Variants in PTPRD observed in about 807,000 individuals in gnomAD.
PTPRD encodes the protein protein tyrosine phosphatase receptor type D, also known as receptor-type tyrosine-protein phosphatase delta.
PTPRD carries 34 observed loss-of-function variants against 214.5 expected under a neutral mutation model. That is an observed-to-expected ratio of 0.16 (90% CI 0.12 to 0.21). The LOEUF (loss-of-function observed/expected upper bound fraction) is 0.21. PTPRD is among the 10% of genes least tolerant of loss of function. The pLI, the probability that PTPRD is intolerant of heterozygous loss-of-function variation, is 1.00. For synonymous variants in PTPRD, 1,128 were observed against 845.7 expected, an observed-to-expected ratio of 1.33 and a Z score of -5.79; for missense variants, 2,545 against 2,398.7, an observed-to-expected ratio of 1.06 and a Z score of -1.27.
At chr9:8,443,897 T>C (rs1457309414) in intron 34 of PTPRD, among the ~76,000 whole-genome samples, 1 of 152,152 alleles carries the variant, frequency 6.6e-6, no homozygotes. Context: ...CACATATTAG[T>C]AATTTGTTTG....
At chr9:10,515,608 G>C (rs549509954) in intron 2 of PTPRD, among the ~76,000 whole-genome samples, 1 of 151,768 alleles carries the variant, frequency 6.6e-6, no homozygotes, top group African/African-American at 2.4e-5. Context: ...CTTAATATAA[G>C]ATCTACCTTC....
intron 8 of PTPRD, among the ~76,000 whole-genome samples, chr9:9,443,781 C>T (rs1318368755): frequency 6.6e-6 from 1 of 152,162 alleles, no homozygotes; most frequent in Non-Finnish European, 1.5e-5. Context: ...AAGTGCCAAG[C>T]TGACCCTCTG....
At chr9:10,078,369 A>T (rs2154186647) in intron 3 of PTPRD, among the ~76,000 whole-genome samples, 1 of 147,586 alleles carries the variant, frequency 6.8e-6, no homozygotes, top group East Asian at 2.0e-4. Context: ...AAAAAAAATT[A>T]GCTGGGTGTG....
chr9:9,117,842 T>C (rs1353277449), intron 10 of PTPRD, among the ~76,000 whole-genome samples: 6 of 151,824 alleles, frequency 4.0e-5, no homozygotes, highest in Admixed American at 3.3e-4. Context: ...ACCAAACTGA[T>C]GCATTACCTT....
chr9:9,336,376 G>A (rs2044486196), intron 9 of PTPRD, among the ~76,000 whole-genome samples: 1 of 152,090 alleles, frequency 6.6e-6, no homozygotes, highest in Non-Finnish European at 1.5e-5. Context: ...CAACTTTTGG[G>A]TTCCTAAATA....
chr9:10,134,551 C>A (rs1592032111), intron 3 of PTPRD, among the ~76,000 whole-genome samples: 2 of 151,996 alleles, frequency 1.3e-5, no homozygotes, highest in East Asian at 3.9e-4. Flanking sequence ...ATTTTTTTTC[C>A]AGCACGCTTC....
chr9:9,203,797 A>G (rs1286251747), intron 9 of PTPRD, among the ~76,000 whole-genome samples: 2 of 152,226 alleles, frequency 1.3e-5, no homozygotes, highest in African/African-American at 4.8e-5. Context: ...TTTATAGCAA[A>G]GAAAAAGGTC....
intron 5 of PTPRD, among the ~76,000 whole-genome samples, chr9:9,921,031 T>A (rs2082400280): frequency 6.6e-6 from 1 of 152,136 alleles, no homozygotes; most frequent in African/African-American, 2.4e-5. Flanking sequence ...TGCTTTCTTT[T>A]TGCCTTTAGC....
chr9:10,385,696 C>T (rs2097902112), intron 2 of PTPRD, among the ~76,000 whole-genome samples: 1 of 151,700 alleles, frequency 6.6e-6, no homozygotes, highest in Non-Finnish European at 1.5e-5. Flanking sequence ...GATAATATTT[C>T]ACTTATGGCT....
intron 39 of PTPRD, among the ~76,000 whole-genome samples, chr9:8,353,135 G>A (rs1326927149): frequency 6.6e-6 from 1 of 152,034 alleles, no homozygotes; most frequent in Non-Finnish European, 1.5e-5. Flanking sequence ...AAAAGAAAAA[G>A]GCTATTATCG....
intron 14 of PTPRD, among the ~76,000 whole-genome samples, chr9:8,545,962 T>G (rs1322199054): frequency 6.6e-6 from 1 of 152,222 alleles, no homozygotes; most frequent in Non-Finnish European, 1.5e-5. Flanking sequence ...ATTTATCAGG[T>G]GGCTAGCCTA....
At chr9:10,524,996 C>CTA (rs1566733579) in intron 2 of PTPRD, among the ~76,000 whole-genome samples, 1 of 151,220 alleles carries the variant, frequency 6.6e-6, no homozygotes, top group East Asian at 1.9e-4. Context: ...ACACTAAGAC[C>CTA]TATATCATAT....
intron 8 of PTPRD, among the ~76,000 whole-genome samples, chr9:9,399,187 T>A (rs1385450307): frequency 6.6e-6 from 1 of 152,074 alleles, no homozygotes; most frequent in East Asian, 1.9e-4. Flanking sequence ...TATTACTGAA[T>A]AATAAAATTT....
intron 2 of PTPRD, among the ~76,000 whole-genome samples, chr9:10,398,062 G>A (rs1051531619): frequency 6.6e-6 from 1 of 151,310 alleles, no homozygotes; most frequent in Admixed American, 6.6e-5. Context: ...TCCTCTGCTT[G>A]TGTGTTTAGC....
At chr9:9,038,390 G>A (rs2099628634) in intron 10 of PTPRD, among the ~76,000 whole-genome samples, 1 of 151,994 alleles carries the variant, frequency 6.6e-6, no homozygotes, top group African/African-American at 2.4e-5. Flanking sequence ...CCACTTCGCT[G>A]TACTTCTAAA....
intron 2 of PTPRD, among the ~76,000 whole-genome samples, chr9:10,511,989 C>T (rs376385884): frequency 0.27 from 27,110 of 100,172 alleles, 4,436 homozygotes; most frequent in Non-Finnish European, 0.33. Context: ...TATATATATA[C>T]GTGTGTGTAT....
At chr9:9,041,901 A>C (rs1360375079) in intron 10 of PTPRD, among the ~76,000 whole-genome samples, 1 of 152,212 alleles carries the variant, frequency 6.6e-6, no homozygotes, top group Non-Finnish European at 1.5e-5. Flanking sequence ...GAATTATTTG[A>C]ACAAGAAGTC....
chr9:10,027,275 C>CT (rs2096942077), intron 4 of PTPRD, among the ~76,000 whole-genome samples: 1 of 152,118 alleles, frequency 6.6e-6, no homozygotes, highest in African/African-American at 2.4e-5. Context: ...TAAATGGGAA[C>CT]TTTTCATCAT....
chr9:9,261,365 T>A (rs183503724), intron 9 of PTPRD, among the ~76,000 whole-genome samples: 3 of 152,000 alleles, frequency 2.0e-5, no homozygotes, highest in East Asian at 3.9e-4. Flanking sequence ...GATTTTAATG[T>A]CCTTGAATAT....
Sources: gnomAD v4.1 joint callset for allele counts (sites outside exome capture counted in the v4.1 genomes callset) on GRCh38, gnomAD v4.1.1 for gene constraint, MANE v1.5 for transcripts, NCBI Gene and HGNC (gene_info 2026-07-23, HGNC 2026-07-21) for gene names.